Variants in CDH13 observed in about 807,000 individuals in gnomAD.
CDH13 encodes cadherin 13.
In CDH13, 24 loss-of-function variants were observed where a neutral mutation model predicts 63.8. That is an observed-to-expected ratio of 0.38 (90% CI 0.27 to 0.53). The LOEUF is 0.53. Ranked by LOEUF, CDH13 falls within the 20% of genes least tolerant of loss-of-function variation. The pLI, the probability that CDH13 is intolerant of heterozygous loss-of-function variation, is 0.85. For synonymous variants in CDH13, 503 were observed against 355.3 expected, an observed-to-expected ratio of 1.42 and a Z score of -4.67; for missense variants, 1,049 against 903.1, an observed-to-expected ratio of 1.16 and a Z score of -2.07.
intron 1 of CDH13, among the ~76,000 whole-genome samples, chr16:82,676,895 T>TGTTTC (rs1555532441): frequency 6.6e-6 from 1 of 150,704 alleles, no homozygotes; most frequent in Non-Finnish European, 1.5e-5. Flanking sequence ...TGTTTTGTTT[T>TGTTTC]GTTTTTTTCA....
intron 10 of CDH13, among the ~76,000 whole-genome samples, chr16:83,737,097 C>T (rs990150554): frequency 6.6e-6 from 1 of 152,192 alleles, no homozygotes; most frequent in East Asian, 1.9e-4. Flanking sequence ...TGTCTGCAGG[C>T]ACGCTGGTAA....
chr16:83,368,088 A>G (rs953359114), intron 6 of CDH13, among the ~76,000 whole-genome samples: 3 of 152,202 alleles, frequency 2.0e-5, no homozygotes, highest in African/African-American at 4.8e-5. Context: ...TTGTTATTAT[A>G]TTTAATCAAT....
intron 1 of CDH13, among the ~76,000 whole-genome samples, chr16:82,650,344 G>A (rs1910583293): frequency 6.6e-6 from 1 of 152,190 alleles, no homozygotes; most frequent in African/African-American, 2.4e-5. Context: ...AGGTAGTGAG[G>A]ACTTGGAGGA....
At chr16:83,379,753 G>A (rs2091522576) in intron 6 of CDH13, among the ~76,000 whole-genome samples, 1 of 151,882 alleles carries the variant, frequency 6.6e-6, no homozygotes, top group African/African-American at 2.4e-5. Flanking sequence ...GTTGTAAATT[G>A]CATAAATGTG....
intron 10 of CDH13, among the ~76,000 whole-genome samples, chr16:83,688,826 T>G (rs1356497500): frequency 6.6e-6 from 1 of 152,222 alleles, no homozygotes; most frequent in Non-Finnish European, 1.5e-5. Context: ...AGATGACTCT[T>G]GTTTTTAGTG....
At chr16:82,638,258 G>A (rs1365505123) in intron 1 of CDH13, among the ~76,000 whole-genome samples, 1 of 146,372 alleles carries the variant, frequency 6.8e-6, no homozygotes, top group African/African-American at 2.7e-5. Flanking sequence ...GCCTGGGGCT[G>A]GCCTGGACCC....
At chr16:83,102,020 A>T (rs556755356) in intron 3 of CDH13, among the ~76,000 whole-genome samples, 2 of 152,214 alleles carry the variant, frequency 1.3e-5, no homozygotes, top group African/African-American at 4.8e-5. Context: ...GATGGGTCCA[A>T]TGTTATCACC....
At chr16:83,548,099 G>C (rs565916224) in intron 7 of CDH13, among the ~76,000 whole-genome samples, 7 of 152,134 alleles carry the variant, frequency 4.6e-5, no homozygotes, top group Non-Finnish European at 7.4e-5. Flanking sequence ...AGCAGGAAGG[G>C]GGGGATGGGA....
intron 5 of CDH13, among the ~76,000 whole-genome samples, chr16:83,303,656 G>A (rs978535116): frequency 2.0e-5 from 3 of 152,122 alleles, no homozygotes; most frequent in African/African-American, 7.2e-5. Context: ...AAACTTCAAC[G>A]AACAGCCTTA....
chr16:83,553,240 A>G (rs900846592), intron 7 of CDH13, among the ~76,000 whole-genome samples: 1 of 152,236 alleles, frequency 6.6e-6, no homozygotes, highest in African/African-American at 2.4e-5. Flanking sequence ...CATGATTGGG[A>G]TGTAATATCT....
chr16:82,765,026 G>C (rs150744456), intron 1 of CDH13, among the ~76,000 whole-genome samples: 2 of 152,194 alleles, frequency 1.3e-5, no homozygotes, highest in African/African-American at 2.4e-5. Flanking sequence ...ATGTTGGCCA[G>C]GCAGGTCTCA....
chr16:82,922,386 A>T (rs1220597491), intron 2 of CDH13, among the ~76,000 whole-genome samples: 1 of 152,228 alleles, frequency 6.6e-6, no homozygotes, highest in Non-Finnish European at 1.5e-5. Context: ...AGAAGAAGAC[A>T]TAGGCAGATT....
At chr16:83,665,009 C>T (rs1416572673) in intron 8 of CDH13, among the ~76,000 whole-genome samples, 3 of 152,164 alleles carry the variant, frequency 2.0e-5, no homozygotes, top group East Asian at 3.8e-4. Flanking sequence ...ATTGTTGTAT[C>T]TTTCCGCCAT....
At chr16:82,795,511 C>T (rs968385545) in intron 1 of CDH13, among the ~76,000 whole-genome samples, 1 of 152,160 alleles carries the variant, frequency 6.6e-6, no homozygotes, top group African/African-American at 2.4e-5. Flanking sequence ...GCCCTGGCCA[C>T]CTGTCCCACA....
intron 8 of CDH13, among the ~76,000 whole-genome samples, chr16:83,665,275 G>T (rs552372017): frequency 3.5e-4 from 54 of 152,298 alleles, no homozygotes; most frequent in Admixed American, 1.4e-3. Context: ...AGTCACAGGG[G>T]TTTAAACCAA....
intron 6 of CDH13, among the ~76,000 whole-genome samples, chr16:83,353,665 A>G (rs548287574): frequency 2.0e-4 from 31 of 152,356 alleles, no homozygotes; most frequent in African/African-American, 6.3e-4. Context: ...CAAGAGATGG[A>G]CACCCCATTG....
At chr16:83,479,328 C>A (rs1322279360) in intron 6 of CDH13, among the ~76,000 whole-genome samples, 1 of 152,142 alleles carries the variant, frequency 6.6e-6, no homozygotes, top group Non-Finnish European at 1.5e-5. Flanking sequence ...AGTGGGTCCT[C>A]ACAGAACTGA....
intron 6 of CDH13, among the ~76,000 whole-genome samples, chr16:83,356,334 T>A (rs1341178823): frequency 2.0e-5 from 3 of 151,474 alleles, no homozygotes; most frequent in Admixed American, 1.3e-4. Context: ...GCTTGCCAGG[T>A]AACTCCACGC....
rs540302829 is a variant in CDH13, at chr16:83,683,706, A to C, written c.1538+5245A>C. Among the ~76,000 whole-genome samples the C allele has an allele frequency of 8.5e-5, 13 of 152,228 alleles. 1 individual carries two copies. Among genetic ancestry groups the C allele is most frequent in the Non-Finnish European group, 2.9e-5 (2 of 68,048 alleles). ...TGCTTATAGTGAAATTGTTTAATGC[A>C]TCATTAATATCCTGAAGACAAGTCC... is the stretch of plus-strand genomic sequence containing the variant. On this transcript the variant is annotated intron_variant, in intron 10 of 13. Transcript: ENST00000567109.
Sources: allele counts gnomAD v4.1 joint callset (sites outside exome capture counted in the v4.1 genomes callset), GRCh38; gene constraint gnomAD v4.1.1; transcripts MANE v1.5; gene names NCBI Gene and HGNC (gene_info 2026-07-23, HGNC 2026-07-21).